The following MTOR variants were observed in gnomAD, a reference collection of about 807,000 sequenced individuals.
MTOR encodes the protein mechanistic target of rapamycin kinase, also known as serine/threonine-protein kinase mTOR.
MTOR carries 70 observed loss-of-function variants against 319.8 expected under a neutral mutation model. That is an observed-to-expected ratio of 0.22 (90% CI 0.18 to 0.27). The LOEUF is 0.27. Among genes scored for constraint, MTOR ranks in the 10% least tolerant of loss-of-function variants. MTOR has a pLI of 1.00. For synonymous variants in MTOR, 1,183 were observed against 1,211.4 expected (o/e 0.98, Z 0.49); for missense variants, 1,890 against 3,274.4 (o/e 0.58, Z 10.32).
intron 28 of MTOR, among the ~76,000 whole-genome samples, chr1:11,168,654 C>A (rs900434013): frequency 6.6e-6 from 1 of 152,206 alleles, no homozygotes; most frequent in African/African-American, 2.4e-5. Context: ...AGAAGCTTTT[C>A]ACTAATGACA....
At chr1:11,255,761 C>T (rs866682529) in intron 5 of MTOR, among the ~76,000 whole-genome samples, 5 of 150,764 alleles carry the variant, frequency 3.3e-5, no homozygotes, top group African/African-American at 9.8e-5. Flanking sequence ...GGGAGAAAAT[C>T]GCTTGAACCC....
chr1:11,236,439 G>A (rs1252445805), intron 13 of MTOR, among the ~76,000 whole-genome samples: 3 of 150,660 alleles, frequency 2.0e-5, no homozygotes, highest in Non-Finnish European at 4.4e-5. Context: ...GCACTCAGCC[G>A]TTTAGGAGAT....
intron 28 of MTOR, among the ~76,000 whole-genome samples, chr1:11,176,183 A>G (rs1350781095): frequency 6.6e-6 from 1 of 152,144 alleles, no homozygotes; most frequent in African/African-American, 2.4e-5. Context: ...CCTGGAGAAC[A>G]TTGTCTCTGG....
chr1:11,124,672 G>T, intron 46 of MTOR, 39 bp from the exon 47 acceptor site: 3 of 1,579,980 alleles, frequency 1.9e-6, no homozygotes, highest in Non-Finnish European at 2.6e-6. Flanking sequence ...TACATCAGAG[G>T]TCCTCAGCTC....
intron 28 of MTOR, among the ~76,000 whole-genome samples, chr1:11,184,413 G>A (rs143496594): frequency 1.3e-5 from 2 of 152,240 alleles, no homozygotes; most frequent in Admixed American, 6.5e-5. Context: ...AAATTCTCAC[G>A]TTCTAAATCA....
At chr1:11,223,947 G>A (rs185003962) in intron 19 of MTOR, among the ~76,000 whole-genome samples, 26 of 152,002 alleles carry the variant, frequency 1.7e-4, no homozygotes, top group African/African-American at 3.1e-4. Flanking sequence ...GGTGAGGCAG[G>A]AGAATCACTT....
In MTOR at chr1:11,129,941, T is replaced by A; in HGVS notation, c.5614-103A>T. ...CTGTACCTACTTCAAAGGGTGGTTATAACAATTAAATCGGTTAATGCATGA... is the reference window on the plus strand; with the variant it reads ...CTGTACCTACTTCAAAGGGTGGTTAAAACAATTAAATCGGTTAATGCATGA... On this transcript the variant is annotated intron_variant, in intron 39 of 57. Coordinates refer to ENST00000361445, the MANE Select transcript of MTOR (RefSeq NM_004958.4). This position sits in a 1 kb window ranked among gnomAD's most constrained non-coding sequence, Gnocchi z 4.7. The A allele has an allele frequency of 1.0e-6, 1 of 972,910 alleles. No homozygotes were observed. The highest frequency in any genetic ancestry group is 1.6e-6 in the Non-Finnish European group (1 of 629,616). 60.3% of individuals were successfully genotyped at this position (972,910 alleles called of 1,614,324 possible).
intron 28 of MTOR, among the ~76,000 whole-genome samples, chr1:11,186,331 C>A (rs1248048866): frequency 6.6e-6 from 1 of 152,066 alleles, no homozygotes; most frequent in Non-Finnish European, 1.5e-5. Flanking sequence ...GAGAGACCAC[C>A]CCTAGGTGCT....
chr1:11,228,571 G>T (rs2100852952), intron 19 of MTOR, 97 bp downstream of exon 19: 1 of 1,493,648 alleles, frequency 6.7e-7, no homozygotes, highest in Non-Finnish European at 9.1e-7. Context: ...GGGCTCAGGG[G>T]CACAGAGAAT....
intron 29 of MTOR, among the ~76,000 whole-genome samples, chr1:11,163,993 GA>G: frequency 6.6e-6 from 1 of 152,262 alleles, no homozygotes; most frequent in Admixed American, 6.5e-5. Flanking sequence ...ATGAATCCAG[GA>G]GCTGGTTTTT....
At chr1:11,153,625 G>C (rs1316468544) in intron 30 of MTOR, among the ~76,000 whole-genome samples, 1 of 152,130 alleles carries the variant, frequency 6.6e-6, no homozygotes, top group African/African-American at 2.4e-5. Flanking sequence ...TTTTGCCTTA[G>C]ATCAGTGTTG....
At chr1:11,208,337 G>A (rs1270418783) in intron 25 of MTOR, among the ~76,000 whole-genome samples, 1 of 152,252 alleles carries the variant, frequency 6.6e-6, no homozygotes, top group Non-Finnish European at 1.5e-5. Context: ...CTGTTTGTGT[G>A]AGTAAAGACT....
Position 11,213,361 on chromosome 1 carries a change from T to G in MTOR, c.3285+38A>C, listed in dbSNP as rs12116957. On this transcript the variant is annotated intron_variant, in intron 21 of 57. Transcript: ENST00000361445. ...TGATCACCCAGGGACTCAGAGGAAATCAGAAAATCTCTCTGGAGGATGACG... is the reference window on the plus strand; with the variant it reads ...TGATCACCCAGGGACTCAGAGGAAAGCAGAAAATCTCTCTGGAGGATGACG... The G allele has an allele frequency of 0.039, 62,020 of 1,589,276 alleles. 2,351 individuals are homozygous for G. Among genetic ancestry groups the G allele is most frequent in the African/African-American group, 0.15 (10,940 of 74,218 alleles).
intron 19 of MTOR, among the ~76,000 whole-genome samples, chr1:11,224,038 CAAAATAA>C (rs940960547): frequency 2.4e-4 from 35 of 143,372 alleles, no homozygotes; most frequent in Middle Eastern, 3.5e-3. Flanking sequence ...TACTCCGTCT[CAAAATAA>C]AATAAAATAA....
chr1:11,115,277 T>C lies in MTOR; in HGVS notation c.7089+119A>G, dbSNP rs1038827712. 9 of 923,492 alleles carry C rather than the reference T, an allele frequency of 9.7e-6. No homozygotes were observed. Among genetic ancestry groups the C allele is most frequent in the Non-Finnish European group, 1.6e-5 (9 of 568,940 alleles). The allele number at this position is 923,492 out of a possible 1,614,324, so 57.2% of individuals were successfully genotyped here. A position where few individuals can be genotyped will look rare whatever the true frequency, so the allele number is the denominator to read the frequency against. ...TAGACTGACTTAACTACAGCCTTGG[T>C]AGGGCCAGCAGGGGTTAAGAGTAAG... On this transcript the variant is annotated intron_variant, in intron 51 of 57. Coordinates refer to ENST00000361445, the MANE Select transcript of MTOR (RefSeq NM_004958.4). The surrounding 1 kb of genome is among the most constrained non-coding windows in gnomAD (Gnocchi z 4.5).
intron 20 of MTOR, 97 bp from the exon 21 acceptor site, chr1:11,213,663 G>A: frequency 8.4e-7 from 1 of 1,190,982 alleles, no homozygotes; most frequent in Non-Finnish European, 1.2e-6. Flanking sequence ...AAACTGTAGT[G>A]AGCATGGTCT....
At chr1:11,181,022 G>A (rs567382285) in intron 28 of MTOR, among the ~76,000 whole-genome samples, 79 of 152,220 alleles carry the variant, frequency 5.2e-4, no homozygotes, top group African/African-American at 1.8e-3. Context: ...TAATCTGCCC[G>A]TCTTGGCCTC....
chr1:11,202,438 A>AAAC (rs1646004310), intron 26 of MTOR, among the ~76,000 whole-genome samples: 1 of 151,362 alleles, frequency 6.6e-6, no homozygotes, highest in African/African-American at 2.4e-5. Context: ...AAAAAAAAAA[A>AAAC]AAAGATTTAC....
In MTOR at chr1:11,133,194, G is replaced by A. The variant is rs758979790; in HGVS notation, c.5250C>T (p.Cys1750=). The change falls in exon 38 of 58, where the codon TGC becomes TGT. Residue 1750 remains cysteine (C), a synonymous_variant. Coordinates refer to ENST00000361445, the MANE Select transcript of MTOR (RefSeq NM_004958.4). The surrounding 1 kb of genome is among the most constrained non-coding windows in gnomAD (Gnocchi z 4.0). ...KQELHKLMAR[C]FLKLGEWQLN... is the part of the protein sequence containing the mutation. ...GCTGCCACTCTCCAAGTTTCAGGAA[G>A]CATCTGGAAGCAGAGAAACAAGCCC... The A allele has an allele frequency of 1.9e-6, 3 of 1,613,742 alleles. No homozygotes were observed. The highest frequency in any genetic ancestry group is 2.5e-6 in the Non-Finnish European group (3 of 1,179,774).
Sources: allele counts gnomAD v4.1 joint callset (sites outside exome capture counted in the v4.1 genomes callset), GRCh38; gene constraint gnomAD v4.1.1; non-coding constraint Gnocchi (gnomAD v3.1); transcripts MANE v1.5; gene names NCBI Gene and HGNC (gene_info 2026-07-23, HGNC 2026-07-21).